MRPS28: variants seen among roughly 807,000 people sequenced by gnomAD.
The protein encoded by MRPS28 is small ribosomal subunit protein bS1m.
Under a neutral mutation model 10.8 loss-of-function variants are expected in MRPS28, and 7 were observed. That is an observed-to-expected ratio of 0.65 (90% confidence interval 0.37 to 1.22). MRPS28 has a LOEUF of 1.22. MRPS28 is among the 50% of genes most tolerant of loss of function. The pLI is 0.02. For synonymous variants in MRPS28, 121 were observed against 93.3 expected, an observed-to-expected ratio of 1.30 and a Z score of -1.71; for missense variants, 265 against 232.9, an observed-to-expected ratio of 1.14 and a Z score of -0.90.
intron 2 of MRPS28, among the ~76,000 whole-genome samples, chr8:79,927,631 G>A (rs1441861610): frequency 6.6e-6 from 1 of 152,162 alleles, no homozygotes; most frequent in East Asian, 1.9e-4. Context: ...ACAACAATTA[G>A]ACAGACTATC....
intron 1 of MRPS28, among the ~76,000 whole-genome samples, chr8:80,014,731 A>T (rs1809151094): frequency 6.6e-6 from 1 of 152,220 alleles, no homozygotes; most frequent in African/African-American, 2.4e-5. Flanking sequence ...TAGCTTCTTT[A>T]AAAATTAATT....
chr8:79,981,050 C>T (rs1031744014), intron 2 of MRPS28, among the ~76,000 whole-genome samples: 4 of 152,118 alleles, frequency 2.6e-5, no homozygotes, highest in Admixed American at 1.3e-4. Context: ...CATGCTGGGT[C>T]GGGCGCAGTG....
At chr8:79,984,759 A>G (rs1343187663) in intron 2 of MRPS28, among the ~76,000 whole-genome samples, 1 of 152,182 alleles carries the variant, frequency 6.6e-6, no homozygotes, top group Non-Finnish European at 1.5e-5. Flanking sequence ...ATACAGGAGC[A>G]CCCAGATTCA....
chr8:80,030,151 C>G lies in MRPS28; in HGVS notation c.98G>C (p.Ser33Thr), dbSNP rs758108994. Residue 33 changes from serine to threonine, a missense_variant, in exon 1 of 3, where the codon AGT (serine) becomes ACT (threonine). Ser to Thr is a moderately conservative substitution (Grantham distance 58). Transcript: ENST00000276585. ...ATTGGAACTACCACTTTCGGATCCA[C>G]TCTCAGTGCCTACACCCCGAAAGGG... ...FRPFRGVGTE[S>T]GSESGSSNAK... 23 of 1,613,208 alleles carry G rather than the reference C, an allele frequency of 1.4e-5. 1 individual carries two copies. The South Asian group carries it at 2.2e-4, about 15-fold the overall frequency.
chr8:80,011,147 T>G (rs984993572), intron 1 of MRPS28, among the ~76,000 whole-genome samples: 1 of 151,526 alleles, frequency 6.6e-6, no homozygotes, highest in Non-Finnish European at 1.5e-5. Flanking sequence ...TTTTATTTTT[T>G]TTTGTAAGCC....
At chr8:79,948,881 G>A (rs1486721424) in intron 2 of MRPS28, among the ~76,000 whole-genome samples, 1 of 152,040 alleles carries the variant, frequency 6.6e-6, no homozygotes, top group African/African-American at 2.4e-5. Flanking sequence ...TTGTTAAAGA[G>A]TTCTGCATCC....
intron 1 of MRPS28, among the ~76,000 whole-genome samples, chr8:80,004,929 T>G (rs1365505739): frequency 6.6e-6 from 1 of 151,844 alleles, no homozygotes; most frequent in Non-Finnish European, 1.5e-5. Flanking sequence ...GAAGAGAAGT[T>G]TAGAGGAAGA....
chr8:79,996,560 C>G (rs1378812544), intron 2 of MRPS28, among the ~76,000 whole-genome samples: 1 of 152,208 alleles, frequency 6.6e-6, no homozygotes, highest in Non-Finnish European at 1.5e-5. Context: ...TAATCCCACT[C>G]ACGAGGGCAG....
At chr8:79,972,448 C>T (rs1807659453) in intron 2 of MRPS28, among the ~76,000 whole-genome samples, 2 of 152,130 alleles carry the variant, frequency 1.3e-5, no homozygotes, top group African/African-American at 4.8e-5. Context: ...CTGCTATGAA[C>T]ATCTGTGTAC....
Position 79,935,919 on chromosome 8 carries a change from T to G in MRPS28, c.396-16771A>C, listed in dbSNP as rs140571664. 2.1e-3 allele frequency among the ~76,000 whole-genome samples: 320 copies of G among 152,032 alleles called. 5 individuals are homozygous for G. Among genetic ancestry groups the G allele is most frequent in the African/African-American group, 7.0e-3 (290 of 41,488 alleles). ...TAGGAATTCACCAGAGAAAAATGAC[T>G]CATTATAAACATTCAACCTTAATCT... is the stretch of plus-strand genomic sequence containing the variant. On this transcript the variant is annotated intron_variant, in intron 2 of 2. Coordinates refer to ENST00000276585, the MANE Select transcript of MRPS28 (RefSeq NM_014018.3).
Position 80,003,204 on chromosome 8 carries a change from T to C in MRPS28, c.214-24A>G, listed in dbSNP as rs1175084051. Reference sequence around the variant, plus strand: ...CCCTAAATATGAAAAGAGATATTTATATACATATAACTCAACATGAAGGTA... The same window carrying C: ...CCCTAAATATGAAAAGAGATATTTACATACATATAACTCAACATGAAGGTA... On this transcript the variant is annotated intron_variant, in intron 1 of 2. Transcript: ENST00000276585. 2.0e-6 allele frequency: 3 copies of C among 1,497,186 alleles called. No individual in the cohort carries two copies. In the African/African-American group the frequency reaches 4.2e-5, roughly 21 times the overall value. 92.7% of individuals were successfully genotyped at this position (1,497,186 alleles called of 1,614,324 possible).
chr8:79,944,805 C>A (rs920617579), intron 2 of MRPS28, among the ~76,000 whole-genome samples: 2 of 151,580 alleles, frequency 1.3e-5, no homozygotes, highest in African/African-American at 4.9e-5. Flanking sequence ...GCAATCTTCC[C>A]ATCTCAGCTT....
intron 2 of MRPS28, among the ~76,000 whole-genome samples, chr8:79,948,272 C>T (rs902221374): frequency 6.6e-6 from 1 of 152,176 alleles, no homozygotes; most frequent in East Asian, 1.9e-4. Context: ...CAAGTGTGAG[C>T]CACTGTGCCC....
chr8:79,984,601 C>CA (rs1455233173), intron 2 of MRPS28, among the ~76,000 whole-genome samples: 2 of 151,556 alleles, frequency 1.3e-5, no homozygotes, highest in Non-Finnish European at 2.9e-5. Flanking sequence ...AAATGGAAAA[C>CA]AAAAAAAGGC....
intron 2 of MRPS28, among the ~76,000 whole-genome samples, chr8:80,002,216 G>A (rs1470236801): frequency 1.3e-5 from 2 of 151,764 alleles, no homozygotes; most frequent in Non-Finnish European, 2.9e-5. Flanking sequence ...ATTTTTATAT[G>A]CCAAAAACTT....
intron 1 of MRPS28, among the ~76,000 whole-genome samples, chr8:80,011,111 C>T (rs1168068502): frequency 6.6e-6 from 1 of 151,798 alleles, no homozygotes. Context: ...TCTAAGTAAG[C>T]CATTCTTTTT....
chr8:80,030,084 C>A lies in MRPS28; in HGVS notation c.165G>T (p.Ala55=). Residue 55 remains alanine, a synonymous_variant, in exon 1 of 3, where the codon GCG becomes GCT. Transcript: ENST00000276585. The part of the protein sequence containing the change: ...PKTRAGGFAS[A]LERHSELLQK... ...GTAGAAGCTCCGAGTGCCGCTCCAA[C>A]GCGCTCGCGAAACCGCCTGCGCGCG... The A allele has an allele frequency of 6.2e-7, 1 of 1,613,840 alleles. No individual in the cohort carries two copies. Among genetic ancestry groups the A allele is most frequent in the Non-Finnish European group, 8.5e-7 (1 of 1,179,834 alleles).
At chr8:79,924,639 T>C (rs115325514) in intron 2 of MRPS28, among the ~76,000 whole-genome samples, 17 of 152,354 alleles carry the variant, frequency 1.1e-4, no homozygotes, top group African/African-American at 3.8e-4. Context: ...AAATTGATTG[T>C]ATACGCAAAA....
chr8:80,006,419 T>A (rs578216911), intron 1 of MRPS28, among the ~76,000 whole-genome samples: 2 of 152,092 alleles, frequency 1.3e-5, no homozygotes, highest in South Asian at 2.1e-4. Flanking sequence ...ATAACTAAGA[T>A]CAGAGCAGAA....
Sources: gnomAD v4.1 joint callset for allele counts (sites outside exome capture counted in the v4.1 genomes callset) on GRCh38, gnomAD v4.1.1 for gene constraint, MANE v1.5 for transcripts, NCBI Gene and HGNC (gene_info 2026-07-23, HGNC 2026-07-21) for gene names.